The following CMSS1 variants were observed in gnomAD, a reference collection of about 807,000 sequenced individuals.
CMSS1 encodes protein CMSS1.
In CMSS1, 33 loss-of-function variants were observed where a neutral mutation model predicts 43.5. The observed-to-expected ratio is 0.76, with a 90% CI of 0.57 to 1.01. The LOEUF (loss-of-function observed/expected upper bound fraction) is 1.01. Ranked by LOEUF, CMSS1 falls within the 50% of genes least tolerant of loss-of-function variation. CMSS1 has a pLI of 0.00. For synonymous variants in CMSS1, 115 were observed against 117.2 expected (o/e 0.98, Z 0.12); for missense variants, 313 against 326.4 (o/e 0.96, Z 0.32).
rs1200080361 is a variant in CMSS1 at position 99,936,385 on chromosome 3, T to C, written c.64+118342T>C. Among the ~76,000 whole-genome samples the C allele has an allele frequency of 2.3e-4, 30 of 132,946 alleles. 1 individual carries two copies. In the Admixed American group the frequency reaches 2.3e-3, roughly 10 times the overall value. 87.2% of individuals were successfully genotyped at this position (132,946 alleles called of 152,430 possible). A position where few individuals can be genotyped will look rare whatever the true frequency, so the allele number is the denominator to read the frequency against. On this transcript the variant is annotated intron_variant, in intron 1 of 9. Transcript: ENST00000421999. ...GCTTGAAGCCTTTTTTTTTTTTTTT[T>C]TTTTTTTTGTGACAGCATCTCACAC...
intron 1 of CMSS1, among the ~76,000 whole-genome samples, chr3:100,101,549 AC>A (rs1332340127): frequency 6.6e-6 from 1 of 152,028 alleles, no homozygotes; most frequent in Non-Finnish European, 1.5e-5. Context: ...AAATAAATAT[AC>A]CCTTCAAAGT....
At chr3:99,998,072 C>T (rs376394225) in intron 1 of CMSS1, among the ~76,000 whole-genome samples, 1 of 152,202 alleles carries the variant, frequency 6.6e-6, no homozygotes, top group East Asian at 1.9e-4. Context: ...TTTAGTTTAA[C>T]TTGTGAGTTA....
chr3:99,851,423 T>A (rs1322284948), intron 1 of CMSS1, among the ~76,000 whole-genome samples: 1 of 152,220 alleles, frequency 6.6e-6, no homozygotes, highest in Non-Finnish European at 1.5e-5. Context: ...CAGTTAGACC[T>A]GGCTTCAAGG....
At chr3:100,104,143 A>G (rs1432642641) in intron 1 of CMSS1, among the ~76,000 whole-genome samples, 2 of 152,178 alleles carry the variant, frequency 1.3e-5, no homozygotes, top group Non-Finnish European at 2.9e-5. Flanking sequence ...ACAGGTTACA[A>G]TGAGAGTGGC....
At chr3:100,129,766 G>A (rs2066691994) in intron 1 of CMSS1, among the ~76,000 whole-genome samples, 1 of 152,050 alleles carries the variant, frequency 6.6e-6, no homozygotes, top group Non-Finnish European at 1.5e-5. Context: ...TTTTGACTGA[G>A]GTTTTGGTTT....
chr3:100,163,178 G>A (rs2067039884), intron 4 of CMSS1, among the ~76,000 whole-genome samples: 1 of 152,150 alleles, frequency 6.6e-6, no homozygotes, highest in African/African-American at 2.4e-5. Context: ...ACTATTCAAT[G>A]AGTAGGAATT....
At chr3:99,845,433 A>G (rs1231956983) in intron 1 of CMSS1, among the ~76,000 whole-genome samples, 2 of 152,206 alleles carry the variant, frequency 1.3e-5, no homozygotes, top group African/African-American at 2.4e-5. Context: ...GAGAGACGAA[A>G]AAACAGTCTA....
chr3:99,970,933 T>G (rs1452261888), intron 1 of CMSS1, among the ~76,000 whole-genome samples: 1 of 152,190 alleles, frequency 6.6e-6, no homozygotes, highest in Admixed American at 6.5e-5. Flanking sequence ...GTTGCAGTCA[T>G]TCATGTGAAG....
intron 1 of CMSS1, among the ~76,000 whole-genome samples, chr3:100,144,567 C>G (rs905816635): frequency 2.0e-5 from 3 of 152,164 alleles, no homozygotes; most frequent in Non-Finnish European, 2.9e-5. Flanking sequence ...AGGGGTCCAT[C>G]ATGGGGTGCC....
chr3:99,818,185 A>G lies in CMSS1; in HGVS notation c.64+142A>G, dbSNP rs1576486337. On this transcript the variant is annotated intron_variant, in intron 1 of 9. Transcript: ENST00000421999. ...GGGAGCGCGCAAGCATCTCGGGGAA[A>G]ATGGTGCAAGAGATTCTTTAACACG... is the stretch of plus-strand genomic sequence containing the variant. 1.6e-5 allele frequency: 11 copies of G among 707,204 alleles called. No homozygotes were observed. The East Asian group carries it at 2.4e-4, about 16-fold the overall frequency. The allele number at this position is 707,204 out of a possible 1,614,324, so 43.8% of individuals were successfully genotyped here.
At chr3:100,011,238 C>T (rs915662515) in intron 1 of CMSS1, among the ~76,000 whole-genome samples, 3 of 152,066 alleles carry the variant, frequency 2.0e-5, no homozygotes, top group Non-Finnish European at 2.9e-5. Context: ...AGGTTATGAA[C>T]TTAGGAATTC....
chr3:100,077,030 A>G (rs750109372), intron 1 of CMSS1, among the ~76,000 whole-genome samples: 8 of 152,242 alleles, frequency 5.3e-5, no homozygotes, highest in Admixed American at 1.3e-4. Flanking sequence ...TTTCGGAACA[A>G]GGCTGGCCAG....
chr3:99,916,487 T>G (rs1303389937), intron 1 of CMSS1, among the ~76,000 whole-genome samples: 1 of 126,432 alleles, frequency 7.9e-6, no homozygotes. Flanking sequence ...CACACACACG[T>G]TCTGTTTCTC....
rs191087039 is a variant in CMSS1, at chr3:100,126,038, G to A, written c.65-20935G>A. 6.1e-4 allele frequency among the ~76,000 whole-genome samples: 93 copies of A among 152,284 alleles called. 1 individual carries two copies. The highest frequency in any genetic ancestry group is 1.9e-3 in the South Asian group (9 of 4,828). ...AAATAAGATATAACGTCTGTATGAT[G>A]ATCTATGTATTCCTATGCCACAGTG... On this transcript the variant is annotated intron_variant, in intron 1 of 9. Transcript: ENST00000421999.
At chr3:100,048,291 G>A (rs1384751914) in intron 1 of CMSS1, among the ~76,000 whole-genome samples, 1 of 152,208 alleles carries the variant, frequency 6.6e-6, no homozygotes, top group African/African-American at 2.4e-5. Flanking sequence ...CCCTTAATTT[G>A]GTTATGCTTT....
intron 1 of CMSS1, among the ~76,000 whole-genome samples, chr3:99,938,430 G>C (rs971517805): frequency 3.3e-5 from 5 of 152,210 alleles, no homozygotes; most frequent in African/African-American, 1.2e-4. Flanking sequence ...CACGGAGTGA[G>C]TCTGTGCTAA....
At chr3:100,079,832 G>T (rs1216698043) in intron 1 of CMSS1, among the ~76,000 whole-genome samples, 2 of 151,714 alleles carry the variant, frequency 1.3e-5, no homozygotes, top group Non-Finnish European at 2.9e-5. Flanking sequence ...AAAAAATCAA[G>T]ATTTGATATC....
At chr3:99,886,098 T>A (rs1171755960) in intron 1 of CMSS1, among the ~76,000 whole-genome samples, 1 of 152,136 alleles carries the variant, frequency 6.6e-6, no homozygotes, top group African/African-American at 2.4e-5. Context: ...AACAGAACAC[T>A]CTATGTGTGC....
intron 1 of CMSS1, among the ~76,000 whole-genome samples, chr3:100,002,037 G>A (rs72936523): frequency 0.011 from 1,655 of 152,252 alleles, 34 homozygotes; most frequent in African/African-American, 0.037. Context: ...TCACAAATCT[G>A]CTGGTGATGC....
Sources: gnomAD v4.1 joint callset for allele counts (sites outside exome capture counted in the v4.1 genomes callset) on GRCh38, gnomAD v4.1.1 for gene constraint, MANE v1.5 for transcripts, NCBI Gene and HGNC (gene_info 2026-07-23, HGNC 2026-07-21) for gene names.